Variants in VTI1A observed in about 807,000 individuals in gnomAD.
VTI1A encodes vesicle transport through interaction with t-SNAREs 1A.
VTI1A carries 22 observed loss-of-function variants against 34.9 expected under a neutral mutation model. That is an observed-to-expected ratio of 0.63 (90% CI 0.45 to 0.90). The LOEUF is 0.90. VTI1A is among the 40% of genes least tolerant of loss of function. The pLI, the probability that VTI1A is intolerant of heterozygous loss-of-function variation, is 0.00. For synonymous variants in VTI1A, 87 were observed against 97.3 expected, an observed-to-expected ratio of 0.89 and a Z score of 0.62; for missense variants, 268 against 275.6, an observed-to-expected ratio of 0.97 and a Z score of 0.20.
intron 5 of VTI1A, among the ~76,000 whole-genome samples, chr10:112,630,938 AT>A (rs1180919357): frequency 3.3e-5 from 5 of 152,188 alleles, no homozygotes; most frequent in Non-Finnish European, 5.9e-5. Flanking sequence ...CCTGACCAAT[AT>A]GATGAAACCC....
intron 5 of VTI1A, among the ~76,000 whole-genome samples, chr10:112,631,154 A>C (rs549529319): frequency 1.4e-3 from 208 of 152,234 alleles, no homozygotes; most frequent in Middle Eastern, 6.8e-3. Flanking sequence ...GTATGAAAAC[A>C]TGACACTGCT....
chr10:112,593,835 C>A (rs535087758), intron 5 of VTI1A, among the ~76,000 whole-genome samples: 1 of 152,268 alleles, frequency 6.6e-6, no homozygotes, highest in African/African-American at 2.4e-5. Flanking sequence ...CTCCCGGGCT[C>A]ACGCCATTCT....
At chr10:112,815,138 C>T (rs1008479572) in intron 7 of VTI1A, 152 bp from the exon 8 acceptor site, 1 of 496,760 alleles carries the variant, frequency 2.0e-6, no homozygotes, top group Non-Finnish European at 3.5e-6. Context: ...CTTTCGCGCG[C>T]GCACACACAC....
chr10:112,536,931 T>C (rs1179510821), intron 4 of VTI1A, among the ~76,000 whole-genome samples: 4 of 152,100 alleles, frequency 2.6e-5, no homozygotes, highest in Non-Finnish European at 5.9e-5. Context: ...AGATATTCTG[T>C]CAGCATCCCT....
At chr10:112,449,696 T>C (rs1231946093) in intron 1 of VTI1A, 2 of 152,304 alleles carry the variant, frequency 1.3e-5, no homozygotes, top group African/African-American at 2.4e-5. Context: ...GAGGTTGCGA[T>C]GAGCTGAGAT....
intron 3 of VTI1A, chr10:112,485,182 A>G (rs1848578427): frequency 6.6e-6 from 1 of 152,056 alleles, no homozygotes; most frequent in Admixed American, 6.6e-5. Context: ...TTCGGAAGGC[A>G]GAGGCAGGAG....
chr10:112,737,416 A>G (rs917587967), intron 7 of VTI1A: 5 of 1,034,840 alleles, frequency 4.8e-6, no homozygotes, highest in Non-Finnish European at 3.5e-6. Context: ...TAATTAAAAA[A>G]TGACAAAAAT....
At chr10:112,674,041 T>C (rs1317930814) in intron 7 of VTI1A, among the ~76,000 whole-genome samples, 1 of 152,214 alleles carries the variant, frequency 6.6e-6, no homozygotes, top group Non-Finnish European at 1.5e-5. Context: ...TTTCAAGACT[T>C]GTGAGAAAAA....
At chr10:112,555,770 A>G (rs1851521689) in intron 5 of VTI1A, among the ~76,000 whole-genome samples, 1 of 152,042 alleles carries the variant, frequency 6.6e-6, no homozygotes, top group Non-Finnish European at 1.5e-5. Flanking sequence ...TTTTAAAAAA[A>G]TGTCTCTACT....
intron 2 of VTI1A, among the ~76,000 whole-genome samples, chr10:112,464,223 C>T (rs1347768822): frequency 6.6e-6 from 1 of 152,196 alleles, no homozygotes; most frequent in African/African-American, 2.4e-5. Flanking sequence ...TTCTCAAACT[C>T]CTGACCTCAA....
At chr10:112,554,385 A>T (rs888354065) in intron 5 of VTI1A, among the ~76,000 whole-genome samples, 15 of 152,232 alleles carry the variant, frequency 9.9e-5, no homozygotes, top group African/African-American at 3.4e-4. Context: ...ACATATGAAT[A>T]AAGTTATTGA....
At chr10:112,533,243 C>T (rs938073279) in intron 4 of VTI1A, among the ~76,000 whole-genome samples, 1 of 151,980 alleles carries the variant, frequency 6.6e-6, no homozygotes, top group Non-Finnish European at 1.5e-5. Flanking sequence ...TCTATGAAGT[C>T]GTTCCCCTTT....
intron 5 of VTI1A, among the ~76,000 whole-genome samples, chr10:112,628,363 G>A (rs959939491): frequency 1.3e-5 from 2 of 152,164 alleles, no homozygotes; most frequent in African/African-American, 4.8e-5. Flanking sequence ...GTTATTGTAA[G>A]TATTTGAATT....
chr10:112,546,079 T>C (rs761348159), intron 5 of VTI1A, among the ~76,000 whole-genome samples: 5 of 150,626 alleles, frequency 3.3e-5, no homozygotes, highest in Non-Finnish European at 7.4e-5. Flanking sequence ...TGTATATACG[T>C]GTATACGCGT....
At chr10:112,698,827 G>A (rs1366546624) in intron 7 of VTI1A, among the ~76,000 whole-genome samples, 1 of 152,192 alleles carries the variant, frequency 6.6e-6, no homozygotes, top group Non-Finnish European at 1.5e-5. Flanking sequence ...GTTCGTTGGT[G>A]AGTAGCATTC....
intron 5 of VTI1A, among the ~76,000 whole-genome samples, chr10:112,633,797 T>C (rs1281411829): frequency 6.6e-6 from 1 of 152,030 alleles, no homozygotes; most frequent in African/African-American, 2.4e-5. Context: ...TAAGAGCTTA[T>C]ACTTTGCAGT....
chr10:112,456,800 G>C (rs978606429), intron 1 of VTI1A, among the ~76,000 whole-genome samples: 2 of 152,178 alleles, frequency 1.3e-5, no homozygotes, highest in African/African-American at 2.4e-5. Flanking sequence ...CCAGGAATTT[G>C]ATCAGAATGA....
At chr10:112,724,363 T>C (rs1564900080) in intron 7 of VTI1A, among the ~76,000 whole-genome samples, 1 of 151,916 alleles carries the variant, frequency 6.6e-6, no homozygotes, top group Admixed American at 6.5e-5. Flanking sequence ...AGCTGTGCAT[T>C]ATAGAATTCC....
rs78346231 is a variant in VTI1A at position 112,761,964 on chromosome 10, G to A, written c.561-53326G>A. On this transcript the variant is annotated intron_variant, in intron 7 of 7. Transcript: ENST00000393077. ...GTCTTTTACAGTGAACTGATTTACA[G>A]CAGTCCTGGACAGCATTATGCTTTC... is the stretch of plus-strand genomic sequence containing the variant. Among the ~76,000 whole-genome samples the A allele has an allele frequency of 5.8e-3, 881 of 152,234 alleles. 9 individuals carry two copies. Among genetic ancestry groups the A allele is most frequent in the African/African-American group, 0.02 (822 of 41,548 alleles).
Sources: gnomAD v4.1 joint callset for allele counts (sites outside exome capture counted in the v4.1 genomes callset) on GRCh38, gnomAD v4.1.1 for gene constraint, MANE v1.5 for transcripts, NCBI Gene and HGNC (gene_info 2026-07-23, HGNC 2026-07-21) for gene names.